Variants in TCF12 observed in about 807,000 individuals in gnomAD.
TCF12 encodes the protein transcription factor 12, also known as DNA-binding protein HTF4.
A neutral mutation model predicts 86.0 loss-of-function variants in TCF12; 45 were observed. That is an observed-to-expected ratio of 0.52 (90% CI 0.41 to 0.67). The LOEUF (loss-of-function observed/expected upper bound fraction) is 0.67, where lower values mean the gene tolerates loss of function less well. Among genes scored for constraint, TCF12 ranks in the 30% least tolerant of loss-of-function variants. TCF12 has a pLI of 0.00. For synonymous variants in TCF12, 330 were observed against 299.6 expected (o/e 1.10, Z -1.05); for missense variants, 881 against 859.9 (o/e 1.02, Z -0.31).
At chr15:56,961,447 C>G (rs2061749217) in intron 3 of TCF12, among the ~76,000 whole-genome samples, 2 of 152,200 alleles carry the variant, frequency 1.3e-5, no homozygotes, top group African/African-American at 4.8e-5. Context: ...AGAGTACAGT[C>G]TCCATAGTTA....
intron 8 of TCF12, among the ~76,000 whole-genome samples, chr15:57,222,720 A>G (rs571368057): frequency 1.4e-4 from 21 of 149,032 alleles, no homozygotes; most frequent in Non-Finnish European, 2.4e-4. Context: ...TCTTGAGAGC[A>G]AAGGAAAGAA....
Position 56,970,264 on chromosome 15 carries a change from G to A in TCF12, c.148+49166G>A, listed in dbSNP as rs1424641207. ...TGGGAAGCTGAGGTGGGTGGATCACGAGTTCAGGAGTTCGAGGTCAGCCTG... is the reference window on the plus strand; with the variant it reads ...TGGGAAGCTGAGGTGGGTGGATCACAAGTTCAGGAGTTCGAGGTCAGCCTG... On this transcript the variant is annotated intron_variant, in intron 3 of 20. Transcript: ENST00000333725. 3.3e-5 allele frequency among the ~76,000 whole-genome samples: 5 copies of A among 151,636 alleles called. No individual in the cohort carries two copies. The East Asian group carries it at 9.8e-4, about 30-fold the overall frequency.
intron 3 of TCF12, among the ~76,000 whole-genome samples, chr15:57,040,760 T>C (rs1466048678): frequency 6.6e-6 from 1 of 152,242 alleles, no homozygotes; most frequent in South Asian, 2.1e-4. Context: ...TTCCTAATTA[T>C]ACTACTGCCT....
intron 6 of TCF12, among the ~76,000 whole-genome samples, chr15:57,181,216 G>A (rs1460439025): frequency 2.0e-5 from 3 of 151,918 alleles, no homozygotes; most frequent in African/African-American, 4.8e-5. Flanking sequence ...ACCCAGTTCC[G>A]ACAAAGTAAG....
Position 57,221,877 on chromosome 15 carries a change from G to A in TCF12, c.580-9275G>A, listed in dbSNP as rs187933111. Among the ~76,000 whole-genome samples the A allele has an allele frequency of 1.7e-3, 260 of 152,066 alleles. 1 individual carries two copies. The highest frequency in any genetic ancestry group is 6.8e-3 in the Middle Eastern group (2 of 294). On this transcript the variant is annotated intron_variant, in intron 8 of 20. Transcript: ENST00000333725. ...GTGGTATGTAATTACATTGTCTCAA[G>A]ATTATATAAATGTATTATTTTAGTG...
intron 8 of TCF12, among the ~76,000 whole-genome samples, chr15:57,224,883 T>C (rs567480971): frequency 1.5e-4 from 23 of 152,262 alleles, no homozygotes; most frequent in African/African-American, 5.3e-4. Flanking sequence ...TCTTGTGGTA[T>C]TTTTACTGGA....
chr15:57,194,403 T>G (rs761121563), intron 7 of TCF12, among the ~76,000 whole-genome samples: 3 of 152,188 alleles, frequency 2.0e-5, no homozygotes, highest in African/African-American at 7.2e-5. Context: ...GGTAGTTCTC[T>G]TGGTGCCCAG....
chr15:57,102,587 G>A (rs187309231), intron 5 of TCF12, among the ~76,000 whole-genome samples: 40 of 149,704 alleles, frequency 2.7e-4, no homozygotes, highest in African/African-American at 9.6e-4. Flanking sequence ...AACAGAGCAC[G>A]ACTCTGTCTT....
chr15:57,057,986 G>A (rs550744955), intron 3 of TCF12, among the ~76,000 whole-genome samples: 7 of 152,102 alleles, frequency 4.6e-5, no homozygotes, highest in Non-Finnish European at 1.0e-4. Flanking sequence ...TCTCAGGTAC[G>A]TTGGGAGGGC....
chr15:57,227,853 C>T (rs1229026834), intron 8 of TCF12, among the ~76,000 whole-genome samples: 6 of 152,070 alleles, frequency 3.9e-5, no homozygotes, highest in African/African-American at 1.4e-4. Context: ...TCTTAAATTA[C>T]TTAATTTTAC....
intron 19 of TCF12, among the ~76,000 whole-genome samples, chr15:57,280,835 C>G (rs2061652498): frequency 6.6e-6 from 1 of 152,132 alleles, no homozygotes; most frequent in Non-Finnish European, 1.5e-5. Flanking sequence ...TATTTTCATT[C>G]TAGACTAATT....
intron 5 of TCF12, among the ~76,000 whole-genome samples, chr15:57,151,523 T>C (rs1352669708): frequency 6.6e-6 from 1 of 152,074 alleles, no homozygotes; most frequent in Non-Finnish European, 1.5e-5. Flanking sequence ...TCTCAGCACG[T>C]TGAGAGGCCA....
intron 4 of TCF12, among the ~76,000 whole-genome samples, chr15:57,086,396 G>T (rs1278787316): frequency 1.3e-5 from 2 of 151,798 alleles, no homozygotes; most frequent in African/African-American, 2.4e-5. Flanking sequence ...ACTGAGATAA[G>T]AAAGTTTAAT....
At chr15:57,024,152 G>A (rs144337917) in intron 3 of TCF12, among the ~76,000 whole-genome samples, 112 of 150,806 alleles carry the variant, frequency 7.4e-4, no homozygotes, top group African/African-American at 2.6e-3. Context: ...TGTGTTAGGA[G>A]TATGGCTCAG....
chr15:56,925,606 G>A (rs1189924830), intron 3 of TCF12, among the ~76,000 whole-genome samples: 1 of 152,202 alleles, frequency 6.6e-6, no homozygotes, highest in African/African-American at 2.4e-5. Context: ...TTCCTGGAAT[G>A]TCATTGTCTG....
intron 6 of TCF12, among the ~76,000 whole-genome samples, chr15:57,167,782 G>A (rs2055011519): frequency 6.6e-6 from 1 of 152,124 alleles, no homozygotes; most frequent in Non-Finnish European, 1.5e-5. Flanking sequence ...AGACCAAGCA[G>A]TCTTACTCTA....
At chr15:57,157,723 G>A (rs942501016) in intron 5 of TCF12, among the ~76,000 whole-genome samples, 1 of 151,422 alleles carries the variant, frequency 6.6e-6, no homozygotes, top group Non-Finnish European at 1.5e-5. Flanking sequence ...CCACTACACC[G>A]AGCTAATTTT....
intron 4 of TCF12, among the ~76,000 whole-genome samples, chr15:57,065,912 C>A (rs1388025176): frequency 6.6e-6 from 1 of 151,910 alleles, no homozygotes; most frequent in Non-Finnish European, 1.5e-5. Context: ...GTATTTCTAC[C>A]TGTCTATTGA....
chr15:56,953,411 G>C (rs777759156), intron 3 of TCF12, among the ~76,000 whole-genome samples: 2 of 151,984 alleles, frequency 1.3e-5, no homozygotes, highest in Non-Finnish European at 2.9e-5. Context: ...AATTTTTCTA[G>C]AGGAGTTTTA....
Sources: allele counts gnomAD v4.1 joint callset (sites outside exome capture counted in the v4.1 genomes callset), GRCh38; gene constraint gnomAD v4.1.1; transcripts MANE v1.5; gene names NCBI Gene and HGNC (gene_info 2026-07-23, HGNC 2026-07-21).